Variants in BLK observed in about 807,000 individuals in gnomAD.
BLK encodes BLK proto-oncogene, Src family tyrosine kinase, also known as tyrosine-protein kinase Blk.
Under a neutral mutation model 61.8 loss-of-function variants are expected in BLK, and 64 were observed. That is an observed-to-expected ratio of 1.03 (90% CI 0.85 to 1.27). The LOEUF (loss-of-function observed/expected upper bound fraction) is 1.27, where lower values mean the gene tolerates loss of function less well. Among genes scored for constraint, BLK ranks in the 50% most tolerant of loss-of-function variants. The pLI is 0.00. For synonymous variants in BLK, 351 were observed against 272.0 expected, an observed-to-expected ratio of 1.29 and a Z score of -2.86; for missense variants, 853 against 660.5, an observed-to-expected ratio of 1.29 and a Z score of -3.19.
chr8:11,532,434 C>T (rs1372630274), intron 1 of BLK, among the ~76,000 whole-genome samples: 1 of 150,346 alleles, frequency 6.7e-6, no homozygotes, highest in East Asian at 1.9e-4. Flanking sequence ...TGGTCTCGAA[C>T]TCCTGAGCTC....
intron 1 of BLK, among the ~76,000 whole-genome samples, chr8:11,497,835 G>A: frequency 6.6e-6 from 1 of 152,214 alleles, no homozygotes; most frequent in East Asian, 1.9e-4. Context: ...CTTCCTGTAA[G>A]ACAGTGTGGT....
rs34059887 is a variant in BLK at position 11,543,965 on chromosome 8, ATT to A, written c.123+632_123+633del. On this transcript the variant is annotated intron_variant, in intron 2 of 12. Transcript: ENST00000259089. ...ATGGCTACAGCATGTCTGAAGATGC[ATT>A]TTTTTTTTTTTTTGAGACAGAGTCT... Among the ~76,000 whole-genome samples the A allele has an allele frequency of 7.2e-3, 1,042 of 145,174 alleles. 15 individuals are homozygous for A. The highest frequency in any genetic ancestry group is 0.024 in the African/African-American group (932 of 39,476).
chr8:11,538,266 G>A (rs1279797972), intron 1 of BLK, among the ~76,000 whole-genome samples: 1 of 152,228 alleles, frequency 6.6e-6, no homozygotes, highest in Non-Finnish European at 1.5e-5. Context: ...CAGCCAGTGT[G>A]TGATGCGTTT....
chr8:11,561,581 C>T (rs1801509760), intron 11 of BLK, 129 bp downstream of exon 11: 3 of 1,249,982 alleles, frequency 2.4e-6, no homozygotes, highest in Non-Finnish European at 3.4e-6. Context: ...TTCTACAGCT[C>T]TAGATCAGCA....
At position 11,563,909 on chromosome 8, in the gene BLK, G is replaced by A; in HGVS notation, c.1319G>A (p.Ser440Asn). 6 of 1,608,898 alleles carry A rather than the reference G, an allele frequency of 3.7e-6. No individual in the cohort carries two copies. The highest frequency in any genetic ancestry group is 5.1e-6 in the Non-Finnish European group (6 of 1,179,390). Residue 440 changes from serine to asparagine, a missense_variant, in exon 13 of 13, where the codon AGC (serine) becomes AAC (asparagine). Ser to Asn is a conservative substitution (Grantham distance 46, BLOSUM62 1). Coordinates refer to ENST00000259089, the MANE Select transcript of BLK (RefSeq NM_001715.3). ...TYGRVPYPGM[S>N]NPEVIRNLER... Reference sequence around the variant, plus strand: ...GCGGTCTCCTCTGCCGCAGGGATGAGCAACCCCGAGGTCATCCGCAACCTG... The same window carrying A: ...GCGGTCTCCTCTGCCGCAGGGATGAACAACCCCGAGGTCATCCGCAACCTG...
At chr8:11,533,506 T>A (rs1254020402) in intron 1 of BLK, among the ~76,000 whole-genome samples, 2 of 151,936 alleles carry the variant, frequency 1.3e-5, no homozygotes, top group Non-Finnish European at 2.9e-5. Flanking sequence ...TGAACCTCCG[T>A]GGGAAAGACC....
Position 11,555,234 on chromosome 8 carries a change from G to C in BLK, c.620-98G>C, listed in dbSNP as rs1801141964. On this transcript the variant is annotated intron_variant, in intron 7 of 12. Transcript: ENST00000259089. Reference sequence around the variant, plus strand: ...ACACACCCATGCAGGGGGTGGGGTGGCTGGGGAGTGGAGGGCCAGCTAGGA... The same window carrying C: ...ACACACCCATGCAGGGGGTGGGGTGCCTGGGGAGTGGAGGGCCAGCTAGGA... 1.1e-5 allele frequency: 16 copies of C among 1,517,960 alleles called. No homozygotes were observed. In the South Asian group the frequency reaches 1.7e-4, roughly 16 times the overall value. 94.0% of individuals were successfully genotyped at this position (1,517,960 alleles called of 1,614,324 possible). A position where few individuals can be genotyped will look rare whatever the true frequency, so the allele number is the denominator to read the frequency against.
intron 8 of BLK, 24 bp downstream of exon 8, chr8:11,555,508 C>T (rs1801165231): frequency 1.9e-6 from 3 of 1,613,662 alleles, no homozygotes; most frequent in Non-Finnish European, 2.5e-6. Context: ...CACGTGGGAG[C>T]ATTTCTCCCC....
At chr8:11,518,477 C>T (rs539047856) in intron 1 of BLK, among the ~76,000 whole-genome samples, 2 of 152,232 alleles carry the variant, frequency 1.3e-5, no homozygotes, top group African/African-American at 4.8e-5. Flanking sequence ...AGGGGTGTCT[C>T]TCTCCCTTGC....
chr8:11,548,046 G>T lies in BLK; in HGVS notation c.190G>T (p.Val64Leu). Residue 64 changes from valine (V) to leucine (L), a missense_variant, in exon 4 of 13, where the codon GTG (valine) becomes TTG (leucine). Coordinates refer to ENST00000259089, the MANE Select transcript of BLK (RefSeq NM_001715.3). ...EHLDEDKHFV[V>L]ALYDYTAMND... is the part of the protein sequence containing the mutation. The stretch of plus-strand genomic sequence containing the variant: ...GTTCATTTTAGACAAGCATTTCGTG[G>T]TGGCTCTGTATGACTACACCGCTAT... The T allele has an allele frequency of 6.2e-7, 1 of 1,614,064 alleles. No individual in the cohort carries two copies. The highest frequency in any genetic ancestry group is 8.5e-7 in the Non-Finnish European group (1 of 1,179,988).
At position 11,563,270 on chromosome 8, in the gene BLK, C is replaced by T. The variant is rs2251200; in HGVS notation, c.1312+160C>T. On this transcript the variant is annotated intron_variant, in intron 12 of 12. Coordinates refer to ENST00000259089, the MANE Select transcript of BLK (RefSeq NM_001715.3). Reference sequence around the variant, plus strand: ...ATGGCATCTGGGGTGGAGCTCTGCCCCCTGCATCACTATTGCTCTGGGCCA... The same window carrying T: ...ATGGCATCTGGGGTGGAGCTCTGCCTCCTGCATCACTATTGCTCTGGGCCA... 0.013 allele frequency among the ~76,000 whole-genome samples: 2,032 copies of T among 152,320 alleles called. 39 individuals carry two copies. The highest frequency in any genetic ancestry group is 0.045 in the African/African-American group (1,857 of 41,556).
rs564736555 is a variant in BLK at position 11,508,535 on chromosome 8, C to T, written c.-2+13944C>T. Among the ~76,000 whole-genome samples, 34 of 152,384 alleles carry T rather than the reference C, an allele frequency of 2.2e-4. No individual in the cohort carries two copies. In the South Asian group the frequency reaches 5.4e-3, roughly 24 times the overall value. ...CCACGCAGTAGCTCCAGCCCCCACC[C>T]GTGGCTTTTCACTTCTTCCTTGCTT... On this transcript the variant is annotated intron_variant, in intron 1 of 12. Transcript: ENST00000259089.
chr8:11,546,491 C>T (rs974998524), intron 3 of BLK, among the ~76,000 whole-genome samples: 1 of 152,146 alleles, frequency 6.6e-6, no homozygotes, highest in African/African-American at 2.4e-5. Context: ...ATGTGGAGGG[C>T]ACCTTCTTGT....
intron 1 of BLK, among the ~76,000 whole-genome samples, chr8:11,504,333 AAGGAAGGG>A (rs1326096429): frequency 7.4e-6 from 1 of 135,542 alleles, no homozygotes. Context: ...AAAATAAAGA[AAGGAAGGG>A]AGGAAGGAAG....
chr8:11,518,938 T>C (rs1251184018), intron 1 of BLK, among the ~76,000 whole-genome samples: 1 of 152,178 alleles, frequency 6.6e-6, no homozygotes, highest in African/African-American at 2.4e-5. Context: ...CGTCGCACTT[T>C]CTGGGAGAGG....
At chr8:11,496,822 T>C (rs1051608682) in intron 1 of BLK, among the ~76,000 whole-genome samples, 1 of 152,220 alleles carries the variant, frequency 6.6e-6, no homozygotes, top group Admixed American at 6.5e-5. Context: ...GGCTGTGAGC[T>C]GGGCTCGACA....
chr8:11,533,240 C>A (rs1342431697), intron 1 of BLK, among the ~76,000 whole-genome samples: 1 of 152,182 alleles, frequency 6.6e-6, no homozygotes, highest in African/African-American at 2.4e-5. Context: ...GAGACCTTTT[C>A]TTTTCTTTTT....
At chr8:11,546,127 T>C in intron 3 of BLK, 24 bp downstream of exon 3, 1 of 1,613,930 alleles carries the variant, frequency 6.2e-7, no homozygotes, top group South Asian at 1.1e-5. Context: ...TTTGGGAAGC[T>C]GAGGCTCCAC....
chr8:11,533,151 A>G (rs993327849), intron 1 of BLK, among the ~76,000 whole-genome samples: 1 of 152,160 alleles, frequency 6.6e-6, no homozygotes, highest in Non-Finnish European at 1.5e-5. Flanking sequence ...TTAATTTTAA[A>G]TCTCTGCCTC....
Sources: gnomAD v4.1 joint callset for allele counts (sites outside exome capture counted in the v4.1 genomes callset) on GRCh38, gnomAD v4.1.1 for gene constraint, MANE v1.5 for transcripts, NCBI Gene and HGNC (gene_info 2026-07-23, HGNC 2026-07-21) for gene names.